Variants in CIMIP1 observed in about 807,000 individuals in gnomAD.
CIMIP1 encodes the protein low in lung cancer 1.
the CIMIP1 span, chr20:58,155,478 G>A: frequency 6.2e-7 from 1 of 1,613,862 alleles, no homozygotes; most frequent in Non-Finnish European, 8.5e-7. Flanking sequence ...TTGATCAAGT[G>A]TGAAGAAGAT....
chr20:58,153,978 G>A, the CIMIP1 span, among the ~76,000 whole-genome samples: 1 of 152,228 alleles, frequency 6.6e-6, no homozygotes, highest in Admixed American at 6.5e-5. Flanking sequence ...TGGGTCTGAT[G>A]CCACAGCCAC....
chr20:58,159,482 C>T, the CIMIP1 span, among the ~76,000 whole-genome samples: 16 of 151,372 alleles, frequency 1.1e-4, no homozygotes, highest in Non-Finnish European at 5.9e-5. Context: ...GCCATTGCAC[C>T]CTAGCCTGGA....
chr20:58,155,719 G>A, the CIMIP1 span: 12 of 641,492 alleles, frequency 1.9e-5, no homozygotes, highest in African/African-American at 3.7e-5. Context: ...CCAGGTCCAC[G>A]TCCTTCCCAA....
the CIMIP1 span, chr20:58,151,055 G>C: frequency 1.3e-6 from 2 of 1,582,558 alleles, no homozygotes; most frequent in Non-Finnish European, 8.6e-7. Flanking sequence ...ATCGGGCAAC[G>C]CGGTGGGCTC....
At chr20:58,160,716 C>G in the CIMIP1 span, 3 of 1,614,040 alleles carry the variant, frequency 1.9e-6, no homozygotes, top group African/African-American at 4.0e-5. Context: ...GGCTGGAGAT[C>G]TGCAGTGCCA....
chr20:58,159,616 A>G, the CIMIP1 span, among the ~76,000 whole-genome samples: 3 of 152,146 alleles, frequency 2.0e-5, no homozygotes, highest in Non-Finnish European at 4.4e-5. Flanking sequence ...CTGCTGGGTG[A>G]AACATGATGT....
chr20:58,154,405 G>A, the CIMIP1 span, among the ~76,000 whole-genome samples: 1 of 152,220 alleles, frequency 6.6e-6, no homozygotes, highest in Non-Finnish European at 1.5e-5. Context: ...TGCTTATGTG[G>A]GTTCTGGTGG....
At chr20:58,150,980 C>A in the CIMIP1 span, 1 of 1,608,196 alleles carries the variant, frequency 6.2e-7, no homozygotes, top group Non-Finnish European at 8.5e-7. Flanking sequence ...GCAGAAACCT[C>A]TCAGCACCGC....
the CIMIP1 span, among the ~76,000 whole-genome samples, chr20:58,151,388 T>G: frequency 6.6e-6 from 1 of 152,008 alleles, no homozygotes; most frequent in Admixed American, 6.6e-5. Flanking sequence ...CGTGTTCATG[T>G]TTTTAAGACT....
chr20:58,154,418 T>C, the CIMIP1 span, among the ~76,000 whole-genome samples: 1 of 152,188 alleles, frequency 6.6e-6, no homozygotes, highest in African/African-American at 2.4e-5. Flanking sequence ...TCTGGTGGGG[T>C]GGTGGCCACC....
At chr20:58,160,966 T>C in the CIMIP1 span, 1 of 891,834 alleles carries the variant, frequency 1.1e-6, no homozygotes, top group Non-Finnish European at 1.6e-6. Flanking sequence ...GAACACAAAG[T>C]GTGCCTTAGA....
chr20:58,160,858 C>A, the CIMIP1 span: 1 of 1,587,166 alleles, frequency 6.3e-7, no homozygotes. Context: ...TGCTGCATAT[C>A]GGTCACCAGG....
chr20:58,151,674 A>G, the CIMIP1 span, among the ~76,000 whole-genome samples: 1 of 152,034 alleles, frequency 6.6e-6, no homozygotes, highest in Non-Finnish European at 1.5e-5. Context: ...CGGCCTCCCA[A>G]AGTGTTAGGA....
At chr20:58,157,984 C>T in the CIMIP1 span, among the ~76,000 whole-genome samples, 394 of 152,286 alleles carry the variant, frequency 2.6e-3, 5 homozygotes, top group African/African-American at 8.4e-3. Context: ...CTATAATGTC[C>T]CTCAGCCACA....
At chr20:58,153,673 A>C in the CIMIP1 span, 1 of 1,294,766 alleles carries the variant, frequency 7.7e-7, no homozygotes, top group Non-Finnish European at 1.1e-6. Context: ...CAATCATTTC[A>C]AAGAATGAAT....
the CIMIP1 span, among the ~76,000 whole-genome samples, chr20:58,159,053 T>C: frequency 6.6e-6 from 1 of 152,218 alleles, no homozygotes; most frequent in Non-Finnish European, 1.5e-5. Context: ...TTGTTTGCTA[T>C]TACAAACAGC....
At chr20:58,154,657 T>C in the CIMIP1 span, among the ~76,000 whole-genome samples, 5 of 152,266 alleles carry the variant, frequency 3.3e-5, no homozygotes, top group Non-Finnish European at 7.3e-5. Flanking sequence ...TAATATAATA[T>C]GCATAAGGAG....
chr20:58,160,580 A>G, the CIMIP1 span: 1 of 1,449,664 alleles, frequency 6.9e-7, no homozygotes, highest in Non-Finnish European at 9.2e-7. Flanking sequence ...TGTCTTTTCC[A>G]CCCCTGCCTC....
At chr20:58,153,341 A>G in the CIMIP1 span, among the ~76,000 whole-genome samples, 1 of 152,096 alleles carries the variant, frequency 6.6e-6, no homozygotes, top group African/African-American at 2.4e-5. Flanking sequence ...ACAGCCAACC[A>G]GCATCTCTCT....
Sources: gnomAD v4.1 joint callset for allele counts (sites outside exome capture counted in the v4.1 genomes callset) on GRCh38, gnomAD v4.1.1 for gene constraint, MANE v1.5 for transcripts, NCBI Gene and HGNC (gene_info 2026-07-23, HGNC 2026-07-21) for gene names.